Variants in UMAD1 observed in about 807,000 individuals in gnomAD.
UMAD1 encodes the protein UBAP1-MVB12-associated (UMA) domain containing 1.
UMAD1 carries 8 observed loss-of-function variants against 6.1 expected under a neutral mutation model. The observed-to-expected ratio is 1.30, with a 90% CI of 0.76 to 2.35. The LOEUF is 2.35. Ranked by LOEUF, UMAD1 falls within the 30% of genes most tolerant of loss-of-function variation. The pLI is 0.00. For synonymous variants in UMAD1, 56 were observed against 31.4 expected, an observed-to-expected ratio of 1.78 and a Z score of -2.61; for missense variants, 130 against 78.4, an observed-to-expected ratio of 1.66 and a Z score of -2.49.
intron 3 of UMAD1, among the ~76,000 whole-genome samples, chr7:7,827,139 ATATATATATG>A (rs1450836374): frequency 7.5e-6 from 1 of 133,980 alleles, no homozygotes; most frequent in Admixed American, 7.4e-5. Flanking sequence ...ATATATATAT[ATATATATATG>A]TGTGTGTGTG....
At chr7:7,870,557 A>G (rs1353935362) in intron 3 of UMAD1, among the ~76,000 whole-genome samples, 1 of 152,194 alleles carries the variant, frequency 6.6e-6, no homozygotes, top group African/African-American at 2.4e-5. Flanking sequence ...TGTGTCTAAG[A>G]GAAAGCTGCT....
intron 2 of UMAD1, among the ~76,000 whole-genome samples, chr7:7,684,235 C>T (rs563945971): frequency 6.6e-6 from 1 of 151,734 alleles, no homozygotes; most frequent in Admixed American, 6.6e-5. Context: ...CAGTGTCTCA[C>T]TCCATCACCC....
intron 2 of UMAD1, among the ~76,000 whole-genome samples, chr7:7,726,604 C>T (rs1299620365): frequency 8.5e-5 from 13 of 152,166 alleles, no homozygotes; most frequent in Admixed American, 6.5e-4. Flanking sequence ...GTGGAAATGG[C>T]ACCATTCACC....
chr7:7,761,182 C>T (rs986692683), intron 2 of UMAD1, among the ~76,000 whole-genome samples: 10 of 151,954 alleles, frequency 6.6e-5, no homozygotes, highest in South Asian at 2.1e-4. Flanking sequence ...TCAGACAACA[C>T]GGTAAAACCC....
chr7:7,761,155 A>G (rs1481317038), intron 2 of UMAD1, among the ~76,000 whole-genome samples: 3 of 152,162 alleles, frequency 2.0e-5, no homozygotes, highest in Admixed American at 1.3e-4. Flanking sequence ...GCTTGAGCCC[A>G]GGAATTCAAG....
At chr7:7,811,019 A>G (rs1783011139) in intron 3 of UMAD1, among the ~76,000 whole-genome samples, 1 of 152,150 alleles carries the variant, frequency 6.6e-6, no homozygotes, top group South Asian at 2.1e-4. Context: ...CACATGGCCC[A>G]AACTTTTCTC....
At chr7:7,800,168 C>T (rs1159256884) in intron 2 of UMAD1, among the ~76,000 whole-genome samples, 4 of 152,236 alleles carry the variant, frequency 2.6e-5, no homozygotes, top group Non-Finnish European at 4.4e-5. Context: ...CAGGTGTGAG[C>T]CACCATGCCT....
chr7:7,740,340 T>TTATCTGTTTTCTCTCCCC lies in UMAD1; in HGVS notation c.83-61329_83-61312dup, dbSNP rs1337289112. 3.3e-5 allele frequency among the ~76,000 whole-genome samples: 5 copies of TTATCTGTTTTCTCTCCCC among 152,356 alleles called. No individual in the cohort carries two copies. The South Asian group carries it at 1.0e-3, about 32-fold the overall frequency. Reference sequence around the variant, plus strand: ...TCCTTTGCGATAACCTTAAAAAAAGTTATCTGTTTTCTCTCCCCACCCAAA... The same window carrying TTATCTGTTTTCTCTCCCC: ...TCCTTTGCGATAACCTTAAAAAAAGTTATCTGTTTTCTCTCCCCTATCTGTTTTCTCTCCCCACCCAAA... On this transcript the variant is annotated intron_variant, in intron 2 of 3. Coordinates refer to ENST00000682710, the MANE Select transcript of UMAD1 (RefSeq NM_001302348.2).
At chr7:7,782,878 C>T (rs750764551) in intron 2 of UMAD1, among the ~76,000 whole-genome samples, 5 of 151,890 alleles carry the variant, frequency 3.3e-5, no homozygotes, top group Non-Finnish European at 5.9e-5. Context: ...TACAGATGCA[C>T]GCCACCACAC....
chr7:7,670,351 C>A (rs1405827038), intron 1 of UMAD1, among the ~76,000 whole-genome samples: 1 of 152,150 alleles, frequency 6.6e-6, no homozygotes, highest in African/African-American at 2.4e-5. Context: ...TAAAGGGTCT[C>A]TCTATATATA....
chr7:7,850,955 A>G (rs1040536881), intron 3 of UMAD1, among the ~76,000 whole-genome samples: 1 of 152,190 alleles, frequency 6.6e-6, no homozygotes, highest in Non-Finnish European at 1.5e-5. Flanking sequence ...ATATTTGGGG[A>G]AAAAATGAAA....
At chr7:7,653,420 T>A (rs1024329942) in intron 1 of UMAD1, among the ~76,000 whole-genome samples, 1 of 152,246 alleles carries the variant, frequency 6.6e-6, no homozygotes, top group African/African-American at 2.4e-5. Context: ...GGCAGTAATC[T>A]TATCTTCTAA....
chr7:7,762,601 A>T (rs905682079), intron 2 of UMAD1, among the ~76,000 whole-genome samples: 2 of 152,180 alleles, frequency 1.3e-5, no homozygotes, highest in South Asian at 2.1e-4. Context: ...TCTGCCCTTC[A>T]AGAGAGACTT....
At chr7:7,816,642 GA>G (rs1200718005) in intron 3 of UMAD1, among the ~76,000 whole-genome samples, 1 of 152,240 alleles carries the variant, frequency 6.6e-6, no homozygotes, top group African/African-American at 2.4e-5. Flanking sequence ...AAAGCTGATA[GA>G]ATGAGTTGGC....
chr7:7,871,569 C>T (rs1784333509), intron 3 of UMAD1, among the ~76,000 whole-genome samples: 1 of 152,180 alleles, frequency 6.6e-6, no homozygotes, highest in Admixed American at 6.5e-5. Flanking sequence ...AGCTTAGATA[C>T]AGCCTGACAC....
chr7:7,843,999 C>T (rs1475415938), intron 3 of UMAD1, among the ~76,000 whole-genome samples: 6 of 152,216 alleles, frequency 3.9e-5, no homozygotes, highest in Non-Finnish European at 8.8e-5. Context: ...TGGTTTATGA[C>T]AAAGTGTTCC....
chr7:7,854,355 CA>C (rs34829393), intron 3 of UMAD1, among the ~76,000 whole-genome samples: 3,131 of 48,976 alleles, frequency 0.064, 36 homozygotes, highest in East Asian at 0.22. Context: ...AGCTCCATCT[CA>C]AAAAAAAAAA....
intron 2 of UMAD1, among the ~76,000 whole-genome samples, chr7:7,733,620 TC>T (rs1289611584): frequency 6.8e-6 from 1 of 148,092 alleles, no homozygotes. Context: ...TACAGAATTA[TC>T]CCAGGCCAGT....
chr7:7,755,677 T>G (rs924462917), intron 2 of UMAD1, among the ~76,000 whole-genome samples: 2 of 152,152 alleles, frequency 1.3e-5, no homozygotes, highest in Non-Finnish European at 1.5e-5. Flanking sequence ...AGGAGAGTTT[T>G]GCAGAAAAAT....
Sources: allele counts gnomAD v4.1 joint callset (sites outside exome capture counted in the v4.1 genomes callset), GRCh38; gene constraint gnomAD v4.1.1; transcripts MANE v1.5; gene names NCBI Gene and HGNC (gene_info 2026-07-23, HGNC 2026-07-21).